The following CHN2 variants were observed in gnomAD, a reference collection of about 807,000 sequenced individuals.
CHN2 encodes beta-chimaerin.
In CHN2, 35 loss-of-function variants were observed where a neutral mutation model predicts 56.3. The ratio of observed to expected loss-of-function variants is 0.62; its 90% confidence interval spans 0.47 to 0.82. CHN2 has a LOEUF of 0.82. CHN2 is among the 40% of genes least tolerant of loss of function. The pLI, the probability that CHN2 is intolerant of heterozygous loss-of-function variation, is 0.00. For missense variants in CHN2, 491 were observed against 580.5 expected (o/e 0.85, Z 1.58); for synonymous variants, 210 against 212.8 (o/e 0.99, Z 0.12).
upstream of CHN2, among the ~76,000 whole-genome samples, chr7:29,191,126 G>A (rs1472575786): frequency 2.6e-5 from 4 of 152,004 alleles, no homozygotes; most frequent in African/African-American, 9.7e-5. Flanking sequence ...TTAGAGATGA[G>A]GCCTCATGTT....
At chr7:29,279,326 A>T (rs1791489292) in intron 1 of CHN2, among the ~76,000 whole-genome samples, 1 of 152,240 alleles carries the variant, frequency 6.6e-6, no homozygotes, top group African/African-American at 2.4e-5. Flanking sequence ...GTCCTTCTTA[A>T]TAGGGATACC....
intron 1 of CHN2, among the ~76,000 whole-genome samples, chr7:29,236,970 C>A (rs1787241485): frequency 2.0e-5 from 3 of 152,146 alleles, no homozygotes; most frequent in Admixed American, 1.3e-4. Flanking sequence ...CTGCAGAGTC[C>A]CCTTTGCTGT....
chr7:29,409,912 A>T (rs1562585038), intron 6 of CHN2, among the ~76,000 whole-genome samples: 1 of 152,116 alleles, frequency 6.6e-6, no homozygotes, highest in Non-Finnish European at 1.5e-5. Flanking sequence ...TGACTGCAGG[A>T]GGTAAATGAT....
intron 1 of CHN2, among the ~76,000 whole-genome samples, chr7:29,253,894 A>C (rs1415726887): frequency 6.6e-6 from 1 of 152,152 alleles, no homozygotes; most frequent in Non-Finnish European, 1.5e-5. Context: ...TAGATGCTAA[A>C]TAAATGTAGC....
intron 2 of CHN2, among the ~76,000 whole-genome samples, chr7:29,173,721 T>A (rs1796902485): frequency 6.7e-6 from 1 of 150,226 alleles, no homozygotes; most frequent in African/African-American, 2.5e-5. Flanking sequence ...GGCGGGCAGA[T>A]CACTTGAGGT....
intron 1 of CHN2, among the ~76,000 whole-genome samples, chr7:29,271,144 G>A (rs2128846836): frequency 6.6e-6 from 1 of 152,122 alleles, no homozygotes; most frequent in East Asian, 1.9e-4. Context: ...GAAAGGGGTG[G>A]AGTTGTGTCA....
chr7:29,178,449 A>G (rs74395787), intron 2 of CHN2, among the ~76,000 whole-genome samples: 2,248 of 152,162 alleles, frequency 0.015, 23 homozygotes, highest in Non-Finnish European at 0.02. Context: ...TAACATGCCC[A>G]GCTCGTGTCT....
chr7:29,229,968 C>A lies in CHN2; in HGVS notation c.49+34978C>A, dbSNP rs1305339483. 2.7e-5 allele frequency among the ~76,000 whole-genome samples: 4 copies of A among 147,908 alleles called. No homozygotes were observed. The Admixed American group carries it at 2.8e-4, about 10-fold the overall frequency. On this transcript the variant is annotated intron_variant, in intron 1 of 12. Transcript: ENST00000222792. ...CTCCAGCCTGGGAGACAGAGGGAGA[C>A]CCTGTCTCAAAAATAAATAAATAAA...
At chr7:29,212,717 A>G (rs1392523039) in intron 1 of CHN2, 3 of 1,600,574 alleles carry the variant, frequency 1.9e-6, no homozygotes, top group Non-Finnish European at 1.7e-6. Flanking sequence ...CAAACAGGTG[A>G]AGACCTGGTT....
intron 1 of CHN2, among the ~76,000 whole-genome samples, chr7:29,283,922 CTTTTTTTTT>C (rs70980520): frequency 6.3e-4 from 44 of 69,954 alleles, no homozygotes; most frequent in Non-Finnish European, 1.1e-3. Context: ...CAGCCAAGCT[CTTTTTTTTT>C]TTTTTTTTTT....
At chr7:29,322,148 T>C (rs1412920475) in intron 1 of CHN2, among the ~76,000 whole-genome samples, 1 of 152,250 alleles carries the variant, frequency 6.6e-6, no homozygotes, top group Non-Finnish European at 1.5e-5. Context: ...AAACTGGCTT[T>C]GCTTGTCAGT....
chr7:29,263,712 C>T (rs1407341830), intron 1 of CHN2, among the ~76,000 whole-genome samples: 12 of 149,508 alleles, frequency 8.0e-5, no homozygotes, highest in Middle Eastern at 7.0e-3. Context: ...TGTCTCTGCC[C>T]GGCCGCCCAT....
chr7:29,483,449 T>C (rs1025519320), intron 7 of CHN2, among the ~76,000 whole-genome samples: 1 of 152,166 alleles, frequency 6.6e-6, no homozygotes, highest in African/African-American at 2.4e-5. Context: ...TCGCATGCAA[T>C]AATTGTATAC....
At chr7:29,403,801 T>C (rs549549553) in intron 6 of CHN2, among the ~76,000 whole-genome samples, 1 of 152,338 alleles carries the variant, frequency 6.6e-6, no homozygotes, top group South Asian at 2.1e-4. Context: ...AATGGTCACA[T>C]CCAGTGTCAT....
intron 3 of CHN2, among the ~76,000 whole-genome samples, chr7:29,381,096 T>C (rs2057738): frequency 0.74 from 112,697 of 152,048 alleles, 42,699 homozygotes; most frequent in African/African-American, 0.9. Context: ...ATGATTAAAT[T>C]CTGGATTTTG....
At chr7:29,408,483 C>A (rs1802871051) in intron 6 of CHN2, among the ~76,000 whole-genome samples, 1 of 152,174 alleles carries the variant, frequency 6.6e-6, no homozygotes, top group African/African-American at 2.4e-5. Context: ...CCCTAGCCTT[C>A]TTTCTCTACT....
intron 1 of CHN2, among the ~76,000 whole-genome samples, chr7:29,267,485 C>G (rs1158634539): frequency 6.6e-6 from 1 of 152,096 alleles, no homozygotes; most frequent in South Asian, 2.1e-4. Context: ...TCAAGTGACC[C>G]TCCCACCTTG....
chr7:29,502,232 C>A (rs1428655218), intron 9 of CHN2, among the ~76,000 whole-genome samples: 1 of 152,118 alleles, frequency 6.6e-6, no homozygotes, highest in Non-Finnish European at 1.5e-5. Flanking sequence ...CAGTAATAGT[C>A]CAGGTACCCA....
chr7:29,182,320 T>G (rs919966180), intron 2 of CHN2, among the ~76,000 whole-genome samples: 2 of 152,212 alleles, frequency 1.3e-5, no homozygotes, highest in African/African-American at 4.8e-5. Context: ...ATTAATCTGA[T>G]AGTGTTCCAC....
Sources: allele counts gnomAD v4.1 joint callset (sites outside exome capture counted in the v4.1 genomes callset), GRCh38; gene constraint gnomAD v4.1.1; transcripts MANE v1.5; gene names NCBI Gene and HGNC (gene_info 2026-07-23, HGNC 2026-07-21).